The following GBE1 variants were observed in gnomAD, a reference collection of about 807,000 sequenced individuals.
GBE1 encodes 1,4-alpha-glucan branching enzyme 1, also known as 1,4-alpha-glucan-branching enzyme.
Under a neutral mutation model 88.8 loss-of-function variants are expected in GBE1, and 70 were observed. That is an observed-to-expected ratio of 0.79 (90% CI 0.65 to 0.96). The LOEUF (loss-of-function observed/expected upper bound fraction) is 0.96. Ranked by LOEUF, GBE1 falls within the 40% of genes least tolerant of loss-of-function variation. The pLI is 0.00. For synonymous variants in GBE1, 284 were observed against 300.1 expected, an observed-to-expected ratio of 0.95 and a Z score of 0.56; for missense variants, 872 against 871.0, an observed-to-expected ratio of 1.00 and a Z score of -0.01.
chr3:81,758,842 T>C (rs1706638270), intron 1 of GBE1, among the ~76,000 whole-genome samples: 1 of 152,120 alleles, frequency 6.6e-6, no homozygotes, highest in South Asian at 2.1e-4. Flanking sequence ...CTAATGAAGG[T>C]GATATGGTTT....
At chr3:81,626,859 T>C (rs560799919) in intron 7 of GBE1, among the ~76,000 whole-genome samples, 85 of 152,334 alleles carry the variant, frequency 5.6e-4, no homozygotes, top group Middle Eastern at 3.4e-3. Context: ...TATTAGCTAA[T>C]TAGATTCCAA....
At chr3:81,758,858 T>TGATATGGTTG (rs1706638481) in intron 1 of GBE1, among the ~76,000 whole-genome samples, 2 of 152,226 alleles carry the variant, frequency 1.3e-5, no homozygotes, top group Non-Finnish European at 2.9e-5. Flanking sequence ...GGTTTGGTTG[T>TGATATGGTTG]GTCCCCACTC....
chr3:81,601,929 A>T (rs1471160897), intron 7 of GBE1, among the ~76,000 whole-genome samples: 1 of 152,244 alleles, frequency 6.6e-6, no homozygotes, highest in Admixed American at 6.5e-5. Context: ...AGCTATGAAC[A>T]GCAAATACAA....
intron 7 of GBE1, among the ~76,000 whole-genome samples, chr3:81,599,580 T>G (rs564502707): frequency 1.3e-5 from 2 of 152,176 alleles, no homozygotes; most frequent in Non-Finnish European, 2.9e-5. Flanking sequence ...AATGCAAGGG[T>G]AAGTATTTGT....
chr3:81,634,246 C>A (rs6809927), intron 7 of GBE1, among the ~76,000 whole-genome samples: 2,303 of 152,236 alleles, frequency 0.015, 77 homozygotes, highest in African/African-American at 0.053. Flanking sequence ...CATTTTCAAT[C>A]GTATTATTTT....
At chr3:81,665,145 T>C (rs1313194040) in intron 3 of GBE1, among the ~76,000 whole-genome samples, 1 of 152,198 alleles carries the variant, frequency 6.6e-6, no homozygotes, top group Non-Finnish European at 1.5e-5. Flanking sequence ...TGGGTTGAAG[T>C]AGTGTTTCTA....
chr3:81,608,249 C>T (rs1328109207), intron 7 of GBE1, among the ~76,000 whole-genome samples: 1 of 152,190 alleles, frequency 6.6e-6, no homozygotes, highest in Non-Finnish European at 1.5e-5. Flanking sequence ...CCCCTGTCAT[C>T]TCTGCTTATG....
At chr3:81,673,584 A>G (rs1042217801) in intron 2 of GBE1, among the ~76,000 whole-genome samples, 5 of 151,960 alleles carry the variant, frequency 3.3e-5, no homozygotes, top group African/African-American at 9.7e-5. Context: ...ATGGTTTCCA[A>G]TATCAGTTTT....
intron 14 of GBE1, among the ~76,000 whole-genome samples, chr3:81,513,182 A>T (rs968987496): frequency 1.3e-5 from 2 of 151,684 alleles, no homozygotes; most frequent in African/African-American, 4.8e-5. Context: ...GAAAAGTGCA[A>T]GAAAAATGAA....
chr3:81,635,867 A>G (rs535494932), intron 7 of GBE1, among the ~76,000 whole-genome samples: 1 of 152,308 alleles, frequency 6.6e-6, no homozygotes, highest in African/African-American at 2.4e-5. Flanking sequence ...ATTACCCAGC[A>G]GAACTGTCCT....
At chr3:81,544,953 G>A (rs566648932) in intron 12 of GBE1, among the ~76,000 whole-genome samples, 19 of 151,994 alleles carry the variant, frequency 1.3e-4, no homozygotes, top group Non-Finnish European at 7.4e-5. Flanking sequence ...ATTAATTAAA[G>A]TATATCAAAA....
intron 14 of GBE1, among the ~76,000 whole-genome samples, chr3:81,514,538 GT>G (rs746948386): frequency 1.7e-4 from 25 of 151,456 alleles, no homozygotes; most frequent in Non-Finnish European, 3.4e-4. Context: ...ATTAGAGATG[GT>G]TCTTATGCAT....
At chr3:81,750,541 A>ATATATATATGTATATATATATG (rs1706484861) in intron 1 of GBE1, among the ~76,000 whole-genome samples, 3 of 97,838 alleles carry the variant, frequency 3.1e-5, no homozygotes, top group African/African-American at 1.5e-4. Flanking sequence ...ATATATACGT[A>ATATATATATGTATATATATATG]TATATATATG....
intron 2 of GBE1, among the ~76,000 whole-genome samples, chr3:81,697,093 A>G (rs1705606982): frequency 6.6e-6 from 1 of 152,108 alleles, no homozygotes; most frequent in Non-Finnish European, 1.5e-5. Flanking sequence ...CCCCCACACC[A>G]GTAAACAGCA....
At chr3:81,735,024 C>T (rs961564260) in intron 1 of GBE1, among the ~76,000 whole-genome samples, 2 of 152,138 alleles carry the variant, frequency 1.3e-5, no homozygotes, top group Non-Finnish European at 2.9e-5. Context: ...TTTTACCTGC[C>T]ACTTAGTCAT....
intron 12 of GBE1, among the ~76,000 whole-genome samples, chr3:81,563,518 A>T (rs1703448761): frequency 6.6e-6 from 1 of 152,058 alleles, no homozygotes; most frequent in South Asian, 2.1e-4. Context: ...GTAACACCAA[A>T]TTACAGACTC....
chr3:81,760,422 G>A (rs949593702), intron 1 of GBE1, among the ~76,000 whole-genome samples: 4 of 152,126 alleles, frequency 2.6e-5, no homozygotes, highest in Admixed American at 6.6e-5. Flanking sequence ...TAACTAGTTG[G>A]ATGTTTTCCA....
At chr3:81,542,013 G>GT (rs1286513472) in intron 12 of GBE1, among the ~76,000 whole-genome samples, 4 of 151,884 alleles carry the variant, frequency 2.6e-5, no homozygotes, top group Non-Finnish European at 5.9e-5. Context: ...AAAATAATCT[G>GT]TTTTTCTTTT....
chr3:81,740,379 C>CT (rs1485421090), intron 1 of GBE1, among the ~76,000 whole-genome samples: 104 of 148,524 alleles, frequency 7.0e-4, no homozygotes, highest in Middle Eastern at 7.0e-3. Context: ...GGATCTCTCT[C>CT]TTTTTTTTTT....
Sources: gnomAD v4.1 joint callset for allele counts (sites outside exome capture counted in the v4.1 genomes callset) on GRCh38, gnomAD v4.1.1 for gene constraint, MANE v1.5 for transcripts, NCBI Gene and HGNC (gene_info 2026-07-23, HGNC 2026-07-21) for gene names.